The following STARD13 variants were observed in gnomAD, a reference collection of about 807,000 sequenced individuals.
STARD13 encodes stAR-related lipid transfer protein 13.
Under a neutral mutation model 106.4 loss-of-function variants are expected in STARD13, and 62 were observed. The observed-to-expected ratio is 0.58, with a 90% confidence interval of 0.48 to 0.72. The LOEUF (loss-of-function observed/expected upper bound fraction) is 0.72, where lower values mean the gene tolerates loss of function less well. STARD13 is among the 30% of genes least tolerant of loss of function. STARD13 has a pLI of 0.00. For missense variants in STARD13, 1,387 were observed against 1,424.0 expected (o/e 0.97, Z 0.42); for synonymous variants, 565 against 553.0 (o/e 1.02, Z -0.31).
intron 3 of STARD13, among the ~76,000 whole-genome samples, chr13:33,147,884 T>C (rs1438007198): frequency 6.6e-6 from 1 of 152,094 alleles, no homozygotes; most frequent in Non-Finnish European, 1.5e-5. Flanking sequence ...AAGAGATAAA[T>C]GGAGCAGAAT....
At chr13:33,250,839 G>A (rs1272508505) in intron 1 of STARD13, among the ~76,000 whole-genome samples, 1 of 152,180 alleles carries the variant, frequency 6.6e-6, no homozygotes, top group Non-Finnish European at 1.5e-5. Flanking sequence ...ACACACATCT[G>A]TTCTTGTTTG....
chr13:33,528,168 A>ATT, the STARD13 span, among the ~76,000 whole-genome samples: 4 of 129,438 alleles, frequency 3.1e-5, no homozygotes, highest in East Asian at 2.1e-4. Flanking sequence ...CTAAGCTAAT[A>ATT]TTATATATAT....
At chr13:33,378,250 C>T in the STARD13 span, among the ~76,000 whole-genome samples, 1 of 152,176 alleles carries the variant, frequency 6.6e-6, no homozygotes, top group Non-Finnish European at 1.5e-5. Context: ...GCTGAGACTC[C>T]ACTCCCAAGG....
the STARD13 span, among the ~76,000 whole-genome samples, chr13:33,662,593 C>A: frequency 6.6e-6 from 1 of 152,200 alleles, no homozygotes; most frequent in Admixed American, 6.5e-5. Context: ...CTGCCGTTTT[C>A]AGGCCATGGT....
chr13:33,430,872 A>G, the STARD13 span, among the ~76,000 whole-genome samples: 3 of 152,342 alleles, frequency 2.0e-5, no homozygotes, highest in Non-Finnish European at 4.4e-5. Context: ...AGTGGATCTT[A>G]TGAAGACAGA....
In STARD13 at chr13:33,103,936, T is replaced by C. The variant is rs1339793313; in HGVS notation, c.*1657A>G. ...CTTCCTTCTTAGGTAGATATGGGAATGAAAAATTTCTAGGTCATAATTCAA... is the reference window on the plus strand; with the variant it reads ...CTTCCTTCTTAGGTAGATATGGGAACGAAAAATTTCTAGGTCATAATTCAA... On this transcript the variant is annotated 3_prime_UTR_variant, in exon 14 of 14. Coordinates refer to ENST00000336934, the MANE Select transcript of STARD13 (RefSeq NM_178006.4). 1 of 152,228 alleles carries C rather than the reference T, an allele frequency of 6.6e-6. No homozygotes were observed. Among genetic ancestry groups the C allele is most frequent in the Non-Finnish European group, 1.5e-5 (1 of 68,028 alleles). 9.4% of individuals were successfully genotyped at this position (152,228 alleles called of 1,614,324 possible).
chr13:33,385,382 GA>G, the STARD13 span, among the ~76,000 whole-genome samples: 1 of 140,864 alleles, frequency 7.1e-6, no homozygotes, highest in Non-Finnish European at 1.5e-5. Flanking sequence ...GTGAGCACAG[GA>G]AAAAAGTAAA....
chr13:33,129,464 T>C lies in STARD13; in HGVS notation c.1213A>G (p.Thr405Ala). 6.2e-7 allele frequency: 1 copy of C among 1,614,224 alleles called. No homozygotes were observed. The change falls in exon 5 of 14, where the codon ACA becomes GCA. Residue 405 changes from threonine (T) to alanine (A), a missense_variant. Transcript: ENST00000336934. ...TCAATAGAAAGTGCCTTGGGGAATG[T>C]TCCTGGTTTGTGATCCTTGGGAATA... ...VHIPKDHKPG[T>A]FPKALSIESL... is the part of the protein sequence containing the mutation.
chr13:33,124,142 G>T (rs1419076201), intron 7 of STARD13, among the ~76,000 whole-genome samples: 7 of 152,178 alleles, frequency 4.6e-5, no homozygotes, highest in African/African-American at 1.7e-4. Context: ...GGAAAAGCCA[G>T]GTTTTGATTC....
chr13:33,548,708 A>G, the STARD13 span, among the ~76,000 whole-genome samples: 1 of 152,152 alleles, frequency 6.6e-6, no homozygotes, highest in Non-Finnish European at 1.5e-5. Flanking sequence ...GAATTCAACA[A>G]TGTTTGCTGT....
intron 8 of STARD13, among the ~76,000 whole-genome samples, chr13:33,117,104 T>C (rs1373483308): frequency 6.6e-6 from 1 of 152,166 alleles, no homozygotes; most frequent in African/African-American, 2.4e-5. Context: ...GAGTCACGTG[T>C]TTAATTTCAT....
At chr13:33,128,008 G>T (rs1224769207) in intron 5 of STARD13, among the ~76,000 whole-genome samples, 1 of 35,072 alleles carries the variant, frequency 2.9e-5, no homozygotes, top group African/African-American at 5.8e-5. Flanking sequence ...GACAGATGTA[G>T]ATGGAGAGAT....
At chr13:33,194,125 T>C (rs1018475429) in intron 1 of STARD13, among the ~76,000 whole-genome samples, 11 of 152,218 alleles carry the variant, frequency 7.2e-5, no homozygotes, top group African/African-American at 2.4e-4. Context: ...AGATGCATAC[T>C]CTTCTAGCTC....
chr13:33,425,152 T>G, the STARD13 span, among the ~76,000 whole-genome samples: 1 of 152,220 alleles, frequency 6.6e-6, no homozygotes, highest in South Asian at 2.1e-4. Context: ...ACCATTCAAA[T>G]GGTGTATATG....
the STARD13 span, among the ~76,000 whole-genome samples, chr13:33,545,061 T>C: frequency 5.9e-5 from 9 of 152,178 alleles, no homozygotes; most frequent in East Asian, 1.7e-3. Context: ...TTCAAGTGAG[T>C]CTTCTGCCTC....
intron 1 of STARD13, among the ~76,000 whole-genome samples, chr13:33,197,257 C>G (rs1886692010): frequency 6.6e-6 from 1 of 152,196 alleles, no homozygotes; most frequent in South Asian, 2.1e-4. Flanking sequence ...TTCAGCACAC[C>G]TATTACCAAT....
chr13:33,268,118 G>T (rs1890990649), intron 1 of STARD13, among the ~76,000 whole-genome samples: 1 of 152,140 alleles, frequency 6.6e-6, no homozygotes, highest in African/African-American at 2.4e-5. Context: ...GACTTCTGGG[G>T]GTTGGTCTCA....
chr13:33,496,706 G>T, the STARD13 span, among the ~76,000 whole-genome samples: 1 of 152,040 alleles, frequency 6.6e-6, no homozygotes, highest in Non-Finnish European at 1.5e-5. Context: ...ATACAGAAGA[G>T]TACTTTTAAA....
chr13:33,454,558 G>C, the STARD13 span, among the ~76,000 whole-genome samples: 6 of 152,212 alleles, frequency 3.9e-5, no homozygotes, highest in East Asian at 9.6e-4. Context: ...TGCCAAAGGA[G>C]ATACGATAAC....
Sources: gnomAD v4.1 joint callset for allele counts (sites outside exome capture counted in the v4.1 genomes callset) on GRCh38, gnomAD v4.1.1 for gene constraint, MANE v1.5 for transcripts, NCBI Gene and HGNC (gene_info 2026-07-23, HGNC 2026-07-21) for gene names.